The following SND1 variants were observed in gnomAD, a reference collection of about 807,000 sequenced individuals.
SND1 encodes the protein staphylococcal nuclease domain-containing protein 1.
In SND1, 38 loss-of-function variants were observed where a neutral mutation model predicts 121.7. The observed-to-expected ratio is 0.31, with a 90% CI of 0.24 to 0.41. The LOEUF is 0.41. Among genes scored for constraint, SND1 ranks in the 10% least tolerant of loss-of-function variants. SND1 has a pLI of 1.00. For synonymous variants in SND1, 401 were observed against 447.4 expected (o/e 0.90, Z 1.31); for missense variants, 868 against 1,184.6 (o/e 0.73, Z 3.92).
chr7:127,958,149 G>A (rs779815021), intron 15 of SND1, among the ~76,000 whole-genome samples: 3 of 152,210 alleles, frequency 2.0e-5, no homozygotes, highest in Non-Finnish European at 4.4e-5. Flanking sequence ...AAGCTAAGTA[G>A]TATAGGGCCA....
intron 11 of SND1, among the ~76,000 whole-genome samples, chr7:127,823,328 A>G (rs909185072): frequency 1.5e-4 from 23 of 152,052 alleles, no homozygotes; most frequent in African/African-American, 5.3e-4. Context: ...CCTGACTAGG[A>G]TGTTATGAGT....
In SND1 at chr7:127,857,950, A is replaced by G. The variant is rs1265400303; in HGVS notation, c.1343+13526A>G. The G allele has an allele frequency of 6.6e-6, 9 of 1,368,352 alleles. No homozygotes were observed. The Admixed American group carries it at 1.5e-4, about 23-fold the overall frequency. The allele number at this position is 1,368,352 out of a possible 1,614,324, so 84.8% of individuals were successfully genotyped here. A position where few individuals can be genotyped will look rare whatever the true frequency, so the allele number is the denominator to read the frequency against. ...ACCATCAGGAAAGTAGCCTTCGCTC[A>G]CCCAGGTCTGCATCTGGTCGCTGGT... On this transcript the variant is annotated intron_variant, in intron 12 of 23. Transcript: ENST00000354725.
At chr7:127,872,629 CACA>C (rs1799616218) in intron 12 of SND1, among the ~76,000 whole-genome samples, 2 of 12,052 alleles carry the variant, frequency 1.7e-4, no homozygotes, top group Admixed American at 7.0e-4. Flanking sequence ...AACACACACG[CACA>C]CACACACACA....
At position 128,084,790 on chromosome 7, in the gene SND1, G is replaced by A; in HGVS notation, c.2177G>A (p.Gly726Asp). 1 of 1,610,020 alleles carries A rather than the reference G, an allele frequency of 6.2e-7. No homozygotes were observed. The highest frequency in any genetic ancestry group is 8.5e-7 in the Non-Finnish European group (1 of 1,177,266). Reference sequence around the variant, plus strand: ...ATTGCCAGTCACCCCCCTGTAGAGGGCTCCTATGCCCCCCGCAGGGGAGAG... The same window carrying A: ...ATTGCCAGTCACCCCCCTGTAGAGGACTCCTATGCCCCCCGCAGGGGAGAG... ...NDIASHPPVE[G>D]SYAPRRGEFC... Residue 726 changes from glycine (G) to aspartate (D), a missense_variant, in exon 19 of 24, where the codon GGC (glycine) becomes GAC (aspartate). This residue lies in a region of SND1 where 743 missense variants were observed against 1,071.3 expected (regional missense o/e 0.69). Coordinates refer to ENST00000354725, the MANE Select transcript of SND1 (RefSeq NM_014390.4).
At chr7:127,876,860 G>T (rs1190431197) in intron 12 of SND1, among the ~76,000 whole-genome samples, 1 of 152,140 alleles carries the variant, frequency 6.6e-6, no homozygotes, top group Non-Finnish European at 1.5e-5. Context: ...CATTTAGAGA[G>T]ATTCAGACAA....
intron 16 of SND1, chr7:128,031,430 T>C (rs1792597421): frequency 1.3e-5 from 2 of 151,460 alleles, no homozygotes; most frequent in Admixed American, 1.3e-4. Context: ...CGGCAGCTGA[T>C]TGCGGTCGTG....
At chr7:127,790,825 A>T (rs536874017) in intron 10 of SND1, among the ~76,000 whole-genome samples, 1 of 152,320 alleles carries the variant, frequency 6.6e-6, no homozygotes, top group Admixed American at 6.5e-5. Flanking sequence ...AATATTTGGC[A>T]TCTGAGTCAA....
At chr7:127,708,482 T>C (rs147177660) in intron 9 of SND1, among the ~76,000 whole-genome samples, 201 of 151,444 alleles carry the variant, frequency 1.3e-3, no homozygotes, top group African/African-American at 4.6e-3. Flanking sequence ...ACTTACAGCA[T>C]TTTCAGCTTA....
intron 1 of SND1, among the ~76,000 whole-genome samples, chr7:127,657,498 T>C (rs1288636325): frequency 2.0e-5 from 3 of 152,166 alleles, no homozygotes; most frequent in African/African-American, 7.2e-5. Context: ...TTATTTTTTA[T>C]TTTTTATTTT....
Position 127,815,215 on chromosome 7 carries a change from C to T in SND1, c.1242+7642C>T, listed in dbSNP as rs144622267. Among the ~76,000 whole-genome samples the T allele has an allele frequency of 3.4e-3, 510 of 152,200 alleles. 3 individuals are homozygous for T. Among genetic ancestry groups the T allele is most frequent in the Admixed American group, 8.6e-3 (131 of 15,282 alleles). On this transcript the variant is annotated intron_variant, in intron 11 of 23. Coordinates refer to ENST00000354725, the MANE Select transcript of SND1 (RefSeq NM_014390.4). ...CCCAGAATACCCATCCATCTCGAAC[C>T]TTAGAGTGTGACCTTATTTGGAAAT... is the stretch of plus-strand genomic sequence containing the variant.
intron 11 of SND1, among the ~76,000 whole-genome samples, chr7:127,842,539 C>G (rs1394439926): frequency 6.6e-6 from 1 of 152,100 alleles, no homozygotes; most frequent in African/African-American, 2.4e-5. Context: ...ATTCTATCTC[C>G]CCTACCTGCA....
rs1310033886 is a variant in SND1, at chr7:128,081,881, C to G, written c.2110+380C>G. On this transcript the variant is annotated intron_variant, in intron 18 of 23. Coordinates refer to ENST00000354725, the MANE Select transcript of SND1 (RefSeq NM_014390.4). ...TGTAGCCCCCAGAATCTGTCAGGCACCAGCCAGGCATTGCTCAGCCCGTTT... is the reference window on the plus strand; with the variant it reads ...TGTAGCCCCCAGAATCTGTCAGGCAGCAGCCAGGCATTGCTCAGCCCGTTT... 3 of 539,568 alleles carry G rather than the reference C, an allele frequency of 5.6e-6. No individual in the cohort carries two copies. The African/African-American group carries it at 5.7e-5, about 10-fold the overall frequency. 33.4% of individuals were successfully genotyped at this position (539,568 alleles called of 1,614,324 possible).
chr7:127,985,516 CCAGAGTGCTGGGATT>C (rs1357347040), intron 15 of SND1, among the ~76,000 whole-genome samples: 4 of 152,356 alleles, frequency 2.6e-5, no homozygotes, highest in African/African-American at 9.6e-5. Flanking sequence ...CCTTGGCCTC[CCAGAGTGCTGGGATT>C]ACAGGCTTCA....
At chr7:127,916,511 A>G (rs1367084341) in intron 14 of SND1, among the ~76,000 whole-genome samples, 1 of 152,200 alleles carries the variant, frequency 6.6e-6, no homozygotes, top group Non-Finnish European at 1.5e-5. Context: ...TAGGACACCT[A>G]GATGTGAGTG....
At chr7:127,730,511 A>C (rs1796656559) in intron 10 of SND1, among the ~76,000 whole-genome samples, 1 of 152,234 alleles carries the variant, frequency 6.6e-6, no homozygotes, top group Non-Finnish European at 1.5e-5. Context: ...TTGGGCAATT[A>C]GTGTGGATAA....
At chr7:127,891,845 TC>T (rs971759856) in intron 13 of SND1, among the ~76,000 whole-genome samples, 2 of 152,264 alleles carry the variant, frequency 1.3e-5, no homozygotes, top group African/African-American at 4.8e-5. Context: ...TGAATTAATT[TC>T]CCAAGCAAAA....
intron 12 of SND1, among the ~76,000 whole-genome samples, chr7:127,859,103 T>A (rs1327647626): frequency 2.0e-5 from 3 of 152,180 alleles, no homozygotes; most frequent in Admixed American, 6.5e-5. Context: ...TAATTTTCTG[T>A]CTTGGGATAT....
chr7:128,011,107 C>G (rs569358756), intron 16 of SND1, among the ~76,000 whole-genome samples: 1 of 152,006 alleles, frequency 6.6e-6, no homozygotes, highest in African/African-American at 2.4e-5. Flanking sequence ...CTGTCCCCCC[C>G]ACCCCCAAAC....
At chr7:127,666,987 A>G (rs1795430889) in intron 1 of SND1, among the ~76,000 whole-genome samples, 2 of 152,174 alleles carry the variant, frequency 1.3e-5, no homozygotes, top group African/African-American at 4.8e-5. Flanking sequence ...AATGGACTTT[A>G]AAATGTTTAT....
Sources: allele counts gnomAD v4.1 joint callset (sites outside exome capture counted in the v4.1 genomes callset), GRCh38; gene constraint gnomAD v4.1.1; regional missense constraint gnomAD v4.1.1; transcripts MANE v1.5; gene names NCBI Gene and HGNC (gene_info 2026-07-23, HGNC 2026-07-21).